The following ANKRD13C variants were observed in gnomAD, a reference collection of about 807,000 sequenced individuals.
The protein encoded by ANKRD13C is ankyrin repeat domain 13C, also known as ankyrin repeat domain-containing protein 13C.
ANKRD13C carries 16 observed loss-of-function variants against 65.5 expected under a neutral mutation model. The observed-to-expected ratio is 0.24, with a 90% CI of 0.17 to 0.37. The LOEUF (loss-of-function observed/expected upper bound fraction) is 0.37, where lower values mean the gene tolerates loss of function less well. Ranked by LOEUF, ANKRD13C falls within the 10% of genes least tolerant of loss-of-function variation. The pLI, the probability that ANKRD13C is intolerant of heterozygous loss-of-function variation, is 1.00. For missense variants in ANKRD13C, 503 were observed against 655.9 expected (o/e 0.77, Z 2.55); for synonymous variants, 235 against 238.7 (o/e 0.98, Z 0.14).
chr1:70,296,505 C>T (rs116515145), intron 7 of ANKRD13C, among the ~76,000 whole-genome samples: 2,610 of 152,110 alleles, frequency 0.017, 81 homozygotes, highest in African/African-American at 0.059. Context: ...ACATGAAATA[C>T]GGTACTATTA....
rs1359894717 is a variant in ANKRD13C at position 70,351,988 on chromosome 1, A to G, written c.430+1991T>C. On this transcript the variant is annotated intron_variant, in intron 1 of 12. Coordinates refer to ENST00000370944, the MANE Select transcript of ANKRD13C (RefSeq NM_030816.5). ...GGTATGTGAACCACCGGTTACATTA[A>G]TCAGAAACATCAATGATATAAGGTC... Among the ~76,000 whole-genome samples, 3 of 152,118 alleles carry G rather than the reference A, an allele frequency of 2.0e-5. No homozygotes were observed. The East Asian group carries it at 5.8e-4, about 29-fold the overall frequency.
At chr1:70,293,195 T>G (rs1679933881) in intron 8 of ANKRD13C, among the ~76,000 whole-genome samples, 2 of 152,162 alleles carry the variant, frequency 1.3e-5, no homozygotes, top group South Asian at 4.1e-4. Context: ...AAGTCATTAC[T>G]TTCTTTCAAT....
chr1:70,310,575 T>C (rs758309195), intron 5 of ANKRD13C, among the ~76,000 whole-genome samples: 8 of 152,270 alleles, frequency 5.3e-5, no homozygotes, highest in Non-Finnish European at 1.0e-4. Context: ...ACATTTATAA[T>C]GTATTGTTTA....
At chr1:70,291,923 A>G (rs1437543445) in intron 9 of ANKRD13C, among the ~76,000 whole-genome samples, 1 of 152,118 alleles carries the variant, frequency 6.6e-6, no homozygotes, top group Admixed American at 6.5e-5. Flanking sequence ...GTTTGAGACC[A>G]GCCTGGCCAA....
chr1:70,349,514 A>C (rs75900364), intron 1 of ANKRD13C, among the ~76,000 whole-genome samples: 1 of 151,464 alleles, frequency 6.6e-6, no homozygotes, highest in African/African-American at 2.4e-5. Context: ...AAAAAAAAAA[A>C]TTCCTACTCA....
At position 70,259,848 on chromosome 1, in the gene ANKRD13C, T is replaced by C. The variant is rs1209941473; in HGVS notation, c.*2869A>G. Among the ~76,000 whole-genome samples the C allele has an allele frequency of 6.6e-6, 1 of 152,190 alleles. No homozygotes were observed. The highest frequency in any genetic ancestry group is 1.5e-5 in the Non-Finnish European group (1 of 68,014). Reference sequence around the variant, plus strand: ...CAGGTTTGGACTGCACAGGTCCACTTACATGCAGATTTTCAACTGAACCCC... The same window carrying C: ...CAGGTTTGGACTGCACAGGTCCACTCACATGCAGATTTTCAACTGAACCCC... On this transcript the variant is annotated 3_prime_UTR_variant, in exon 13 of 13. Transcript: ENST00000370944.
intron 9 of ANKRD13C, among the ~76,000 whole-genome samples, chr1:70,286,744 A>T (rs1436896099): frequency 1.3e-5 from 2 of 152,098 alleles, no homozygotes; most frequent in African/African-American, 4.8e-5. Context: ...CCAGCACTTT[A>T]GGAGGTCGAG....
At chr1:70,339,812 TTTATTA>T (rs146940723) in intron 1 of ANKRD13C, among the ~76,000 whole-genome samples, 42,830 of 133,404 alleles carry the variant, frequency 0.32, 7,320 homozygotes, top group Non-Finnish European at 0.38. Flanking sequence ...GATCAGTACG[TTTATTA>T]TTATTATTAT....
Position 70,280,298 on chromosome 1 carries a change from G to A in ANKRD13C, c.1216-3454C>T, listed in dbSNP as rs114413901. Among the ~76,000 whole-genome samples, 441 of 152,276 alleles carry A rather than the reference G, an allele frequency of 2.9e-3. 5 individuals are homozygous for A. The highest frequency in any genetic ancestry group is 4.8e-3 in the South Asian group (23 of 4,832). ...CAGACTAGGGTAGCCAAAAGACGTG[G>A]ACTGGTTGACTCCTGAATTGAGGAG... On this transcript the variant is annotated intron_variant, in intron 9 of 12. Coordinates refer to ENST00000370944, the MANE Select transcript of ANKRD13C (RefSeq NM_030816.5).
At chr1:70,331,732 G>C (rs180882892) in intron 2 of ANKRD13C, among the ~76,000 whole-genome samples, 48 of 150,792 alleles carry the variant, frequency 3.2e-4, no homozygotes, top group African/African-American at 1.1e-3. Flanking sequence ...AGGCTGAGGT[G>C]GGAGAATCGC....
chr1:70,335,724 A>G (rs1461506461), intron 2 of ANKRD13C, among the ~76,000 whole-genome samples: 1 of 149,838 alleles, frequency 6.7e-6, no homozygotes, highest in East Asian at 1.9e-4. Context: ...AAAATCATAT[A>G]AAACTCTAAT....
chr1:70,276,704 C>CA, intron 10 of ANKRD13C, 61 bp downstream of exon 10: 1 of 1,275,968 alleles, frequency 7.8e-7, no homozygotes, highest in East Asian at 2.3e-5. Flanking sequence ...TTCACATATT[C>CA]AGTTTTTACA....
intron 3 of ANKRD13C, 110 bp from the exon 4 acceptor site, chr1:70,315,676 T>C: frequency 1.3e-6 from 1 of 764,152 alleles, no homozygotes; most frequent in East Asian, 2.8e-5. Flanking sequence ...TATATGCACG[T>C]GCATGTATGT....
At chr1:70,308,695 C>T (rs1680699773) in intron 5 of ANKRD13C, among the ~76,000 whole-genome samples, 1 of 148,156 alleles carries the variant, frequency 6.7e-6, no homozygotes, top group South Asian at 2.2e-4. Flanking sequence ...GCCGAGATTG[C>T]GCCACTGTGC....
At position 70,277,251 on chromosome 1, in the gene ANKRD13C, T is replaced by C. The variant is rs377212487; in HGVS notation, c.1216-407A>G. On this transcript the variant is annotated intron_variant, in intron 9 of 12. Transcript: ENST00000370944. ...GGCGGGTGGATCACGAGGTCAGGAG[T>C]TCAAGATCAGCTTAGCCAAGATGGT... Among the ~76,000 whole-genome samples the C allele has an allele frequency of 1.2e-4, 18 of 150,060 alleles. No homozygotes were observed. The South Asian group carries it at 3.8e-3, about 32-fold the overall frequency.
intron 11 of ANKRD13C, among the ~76,000 whole-genome samples, chr1:70,271,904 T>TGC (rs1678898472): frequency 6.6e-6 from 1 of 152,248 alleles, no homozygotes; most frequent in Non-Finnish European, 1.5e-5. Flanking sequence ...CCATATCTAT[T>TGC]GCTCATGTAA....
chr1:70,347,091 C>CAAAA (rs35972712), intron 1 of ANKRD13C, among the ~76,000 whole-genome samples: 6 of 36,354 alleles, frequency 1.7e-4, no homozygotes, highest in African/African-American at 2.6e-4. Context: ...GGCTCCGTCT[C>CAAAA]AAAAAAAAAA....
chr1:70,291,548 T>C (rs1329563945), intron 9 of ANKRD13C, among the ~76,000 whole-genome samples: 2 of 152,204 alleles, frequency 1.3e-5, no homozygotes, highest in Non-Finnish European at 2.9e-5. Flanking sequence ...TATAGCATGC[T>C]TTCAGTAAAC....
intron 1 of ANKRD13C, among the ~76,000 whole-genome samples, chr1:70,338,453 G>A (rs1682156641): frequency 6.6e-6 from 1 of 152,190 alleles, no homozygotes; most frequent in Non-Finnish European, 1.5e-5. Context: ...CCAGGCTGGA[G>A]TGCAGAGGCC....
Sources: gnomAD v4.1 joint callset for allele counts (sites outside exome capture counted in the v4.1 genomes callset) on GRCh38, gnomAD v4.1.1 for gene constraint, MANE v1.5 for transcripts, NCBI Gene and HGNC (gene_info 2026-07-23, HGNC 2026-07-21) for gene names.